Variants in ZFP69 observed in about 807,000 individuals in gnomAD.
The protein encoded by ZFP69 is zinc finger protein 69 homolog.
A neutral mutation model predicts 48.9 loss-of-function variants in ZFP69; 35 were observed. The ratio of observed to expected loss-of-function variants is 0.72; its 90% confidence interval spans 0.55 to 0.95. The LOEUF is 0.95. Ranked by LOEUF, ZFP69 falls within the 40% of genes least tolerant of loss-of-function variation. ZFP69 has a pLI of 0.00. For missense variants in ZFP69, 557 were observed against 638.4 expected (o/e 0.87, Z 1.37); for synonymous variants, 193 against 216.8 (o/e 0.89, Z 0.96).
chr1:40,477,464 T>C lies in ZFP69; in HGVS notation c.-757T>C, dbSNP rs1645399959. 6.6e-6 allele frequency: 1 copy of C among 151,884 alleles called. No individual in the cohort carries two copies. The highest frequency in any genetic ancestry group is 6.5e-5 in the Admixed American group (1 of 15,274). The allele number at this position is 151,884 out of a possible 1,614,324, so 9.4% of individuals were successfully genotyped here. ...CTGCGGCCTAAGAGGCCAGGCTGGG[T>C]GGGCTTGGCTGCAGCCGCCAGCCCC... On this transcript the variant is annotated 5_prime_UTR_variant, in exon 1 of 6. Coordinates refer to ENST00000372706, the MANE Select transcript of ZFP69 (RefSeq NM_001320179.2). The surrounding 1 kb of genome is among the most constrained non-coding windows in gnomAD (Gnocchi z 4.0).
intron 3 of ZFP69, among the ~76,000 whole-genome samples, chr1:40,486,673 T>C (rs1645503785): frequency 1.3e-5 from 2 of 152,108 alleles, no homozygotes; most frequent in Middle Eastern, 3.4e-3. Context: ...CCTCCTGCCT[T>C]GGCCTTCCAA....
chr1:40,486,925 AT>A (rs557530908), intron 3 of ZFP69, among the ~76,000 whole-genome samples: 9,121 of 135,282 alleles, frequency 0.067, 398 homozygotes, highest in African/African-American at 0.14. Context: ...TTTACAGTTG[AT>A]TTTTTTTTTT....
Position 40,495,682 on chromosome 1 carries a change from A to G in ZFP69, c.1204A>G (p.Ile402Val), listed in dbSNP as rs201949234. The G allele has an allele frequency of 2.7e-5, 43 of 1,614,134 alleles. No individual in the cohort carries two copies. Among genetic ancestry groups the G allele is most frequent in the Admixed American group, 6.7e-5 (4 of 60,010 alleles). The change falls in exon 6 of 6, where the codon ATA (isoleucine) becomes GTA (valine). Residue 402 changes from isoleucine to valine, a missense_variant. Ile to Val is a conservative substitution (Grantham distance 29, BLOSUM62 3). Transcript: ENST00000372706. ...ACAGATTAGACACCTTAGTGAACAT[A>G]TAAGAATTCATACCGGGGAGAAGCC... ...FRQIRHLSEH[I>V]RIHTGEKPYA...
intron 2 of ZFP69, among the ~76,000 whole-genome samples, chr1:40,480,906 A>G (rs1250159736): frequency 6.6e-6 from 1 of 152,238 alleles, no homozygotes; most frequent in Non-Finnish European, 1.5e-5. Context: ...AATTCACAAT[A>G]TCAAGAAGAT....
chr1:40,489,902 G>C (rs1252447364), intron 5 of ZFP69, among the ~76,000 whole-genome samples: 3 of 131,406 alleles, frequency 2.3e-5, no homozygotes, highest in Non-Finnish European at 4.6e-5. Flanking sequence ...ACAGAGTCTC[G>C]CACTGTCGCC....
At chr1:40,487,710 A>G (rs1303590819) in intron 3 of ZFP69, among the ~76,000 whole-genome samples, 1 of 152,206 alleles carries the variant, frequency 6.6e-6, no homozygotes, top group East Asian at 1.9e-4. Context: ...GCATCTCTGC[A>G]TTAGCACTTC....
Position 40,494,985 on chromosome 1 carries a change from A to G in ZFP69, c.507A>G (p.Leu169=), listed in dbSNP as rs115084146. 3.8e-4 allele frequency: 611 copies of G among 1,613,928 alleles called. 3 individuals are homozygous for G. The African/African-American group carries it at 7.3e-3, about 19-fold the overall frequency. Residue 169 remains leucine (L), a synonymous_variant, in exon 6 of 6, where the codon TTA becomes TTG. Transcript: ENST00000372706. Reference sequence around the variant, plus strand: ...AGAGTACCATTTCACAGGAGCGCTTATATCATGGCATTATGATGGAAAGTT... The same window carrying G: ...AGAGTACCATTTCACAGGAGCGCTTGTATCATGGCATTATGATGGAAAGTT... The part of the protein sequence containing the change: ...TAKSTISQER[L]YHGIMMESFM...
chr1:40,483,026 A>G (rs1331743576), intron 3 of ZFP69, among the ~76,000 whole-genome samples: 1 of 152,104 alleles, frequency 6.6e-6, no homozygotes, highest in Non-Finnish European at 1.5e-5. Context: ...ACTACAGAAC[A>G]TATATTCTTT....
chr1:40,492,231 G>T (rs186185242), intron 5 of ZFP69, among the ~76,000 whole-genome samples: 57 of 152,008 alleles, frequency 3.7e-4, no homozygotes, highest in African/African-American at 1.3e-3. Flanking sequence ...ACATATTCCT[G>T]TATTTTCAAA....
intron 5 of ZFP69, among the ~76,000 whole-genome samples, chr1:40,494,331 G>A (rs954656195): frequency 2.9e-5 from 4 of 137,090 alleles, no homozygotes; most frequent in African/African-American, 1.1e-4. Flanking sequence ...TGCAGTGGCG[G>A]GATCTCGGCT....
chr1:40,495,065 A>T lies in ZFP69; in HGVS notation c.587A>T (p.Asp196Val). 6.2e-7 allele frequency: 1 copy of T among 1,614,094 alleles called. No individual in the cohort carries two copies. Among genetic ancestry groups the T allele is most frequent in the Non-Finnish European group, 8.5e-7 (1 of 1,180,018 alleles). The stretch of plus-strand genomic sequence containing the variant: ...TTGAGAAAAGTCTCCACATATGATG[A>T]TGTCTTAGAAAGGCACCAGGAAACT... ...STLRKVSTYDDVLERHQETCM... is the reference protein window; with the variant it reads ...STLRKVSTYDVVLERHQETCM... The change falls in exon 6 of 6, where the codon GAT becomes GTT. Residue 196 changes from aspartate (D) to valine (V), a missense_variant. Transcript: ENST00000372706.
chr1:40,482,978 T>A (rs966334217), intron 3 of ZFP69, among the ~76,000 whole-genome samples: 2 of 152,090 alleles, frequency 1.3e-5, no homozygotes, highest in Non-Finnish European at 2.9e-5. Flanking sequence ...ATCAACCAAT[T>A]TAACCTAATT....
rs868472357 is a variant in ZFP69 at position 40,495,030 on chromosome 1, T to G, written c.552T>G (p.Ile184Met). ...AAAGTTTCATGAGGGATGATATAAT[T>G]TATTCCACGTTGAGAAAAGTCTCCA... ...MMESFMRDDI[I>M]YSTLRKVSTY... is the part of the protein sequence containing the mutation. Residue 184 changes from isoleucine to methionine, a missense_variant, in exon 6 of 6, where the codon ATT becomes ATG. Coordinates refer to ENST00000372706, the MANE Select transcript of ZFP69 (RefSeq NM_001320179.2). 2.5e-6 allele frequency: 4 copies of G among 1,614,036 alleles called. No individual in the cohort carries two copies. Among genetic ancestry groups the G allele is most frequent in the African/African-American group, 2.7e-5 (2 of 75,014 alleles).
At chr1:40,480,668 C>G (rs927985124) in intron 2 of ZFP69, among the ~76,000 whole-genome samples, 1 of 151,696 alleles carries the variant, frequency 6.6e-6, no homozygotes, top group Non-Finnish European at 1.5e-5. Flanking sequence ...AATTCCACTT[C>G]AAAACTGGTA....
chr1:40,486,469 CCTTTCTT>C (rs375264465), intron 3 of ZFP69, among the ~76,000 whole-genome samples: 5 of 100,994 alleles, frequency 5.0e-5, no homozygotes, highest in East Asian at 6.7e-4. Flanking sequence ...CTCCCTCCCT[CCTTTCTT>C]CCTCCCTCCC....
rs774466943 is a variant in ZFP69, at chr1:40,496,019, A to G, written c.1541A>G (p.His514Arg). Residue 514 changes from histidine (H) to arginine (R), a missense_variant, in exon 6 of 6, where the codon CAT (histidine) becomes CGT (arginine). Physicochemically the swap from His to Arg is conservative, Grantham distance 29. Coordinates refer to ENST00000372706, the MANE Select transcript of ZFP69 (RefSeq NM_001320179.2). ...TATAACTCTTCACTTAGTCGACATCATGAAATACACAGGAGGAACGCCTTC... is the reference window on the plus strand; with the variant it reads ...TATAACTCTTCACTTAGTCGACATCGTGAAATACACAGGAGGAACGCCTTC... ...FSYNSSLSRH[H>R]EIHRRNAFRN... is the part of the protein sequence containing the mutation. 1 of 1,610,436 alleles carries G rather than the reference A, an allele frequency of 6.2e-7. No individual in the cohort carries two copies. Among genetic ancestry groups the G allele is most frequent in the African/African-American group, 1.3e-5 (1 of 74,586 alleles).
intron 1 of ZFP69, among the ~76,000 whole-genome samples, chr1:40,478,339 A>G (rs1431674713): frequency 6.6e-6 from 1 of 152,076 alleles, no homozygotes; most frequent in Admixed American, 6.5e-5. Flanking sequence ...GCCTATTACT[A>G]TTCTGCAGTA....
At chr1:40,493,059 G>C (rs1233831089) in intron 5 of ZFP69, 1 of 151,904 alleles carries the variant, frequency 6.6e-6, no homozygotes, top group East Asian at 1.9e-4. Flanking sequence ...AACTCCATCT[G>C]TACTAAAAAT....
chr1:40,495,961 T>TA lies in ZFP69; in HGVS notation c.1484dup (p.Tyr495Ter). 1 of 1,614,200 alleles carries TA rather than the reference T, an allele frequency of 6.2e-7. No homozygotes were observed. The highest frequency in any genetic ancestry group is 8.5e-7 in the Non-Finnish European group (1 of 1,180,034). The change falls in exon 6 of 6, where the codon TAC becomes TAAC. Residue 495 changes from tyrosine to a stop codon, truncating the protein, a stop_gained and frameshift_variant. Transcript: ENST00000372706. LOFTEE classifies it high-confidence loss of function. ...HQRHHTGEKP[Y>*]ECNECGKAFS... ...GAGACATCACACTGGAGAAAAACCT[T>TA]ACGAATGTAACGAATGTGGAAAAGC...
Sources: allele counts gnomAD v4.1 joint callset (sites outside exome capture counted in the v4.1 genomes callset), GRCh38; gene constraint gnomAD v4.1.1; non-coding constraint Gnocchi (gnomAD v3.1); transcripts MANE v1.5; gene names NCBI Gene and HGNC (gene_info 2026-07-23, HGNC 2026-07-21).